Variants in PCSK2 observed in about 807,000 individuals in gnomAD.
PCSK2 encodes proprotein convertase subtilisin/kexin type 2.
PCSK2 carries 14 observed loss-of-function variants against 69.7 expected under a neutral mutation model. The observed-to-expected ratio is 0.20, with a 90% CI of 0.13 to 0.31. PCSK2 has a LOEUF of 0.31. Ranked by LOEUF, PCSK2 falls within the 10% of genes least tolerant of loss-of-function variation. The probability of loss-of-function intolerance (pLI) is 1.00; values close to 1 mark genes in which losing one functional copy is unlikely to be tolerated. For missense variants in PCSK2, 544 were observed against 842.5 expected (o/e 0.65, Z 4.39); for synonymous variants, 307 against 320.7 (o/e 0.96, Z 0.46).
At chr20:17,413,833 T>C (rs1396888225) in intron 6 of PCSK2, among the ~76,000 whole-genome samples, 2 of 152,140 alleles carry the variant, frequency 1.3e-5, no homozygotes, top group East Asian at 3.8e-4. Context: ...ACAAACTGTC[T>C]CTCAGACCAC....
chr20:17,481,198 T>C (rs1255738634), intron 11 of PCSK2, among the ~76,000 whole-genome samples: 2 of 151,756 alleles, frequency 1.3e-5, no homozygotes, highest in African/African-American at 4.8e-5. Flanking sequence ...CTGGCCAACA[T>C]GGTGAAACTC....
intron 6 of PCSK2, among the ~76,000 whole-genome samples, chr20:17,423,923 T>A (rs939629953): frequency 6.6e-6 from 1 of 152,194 alleles, no homozygotes; most frequent in Non-Finnish European, 1.5e-5. Context: ...TCACACCAAC[T>A]GGACTAGCAA....
chr20:17,356,766 G>A (rs1365524840), intron 2 of PCSK2, among the ~76,000 whole-genome samples: 1 of 152,152 alleles, frequency 6.6e-6, no homozygotes, highest in Non-Finnish European at 1.5e-5. Flanking sequence ...AACATAGTGA[G>A]GATCTTTTAC....
At chr20:17,293,352 C>A (rs902460564) in intron 2 of PCSK2, among the ~76,000 whole-genome samples, 7 of 152,202 alleles carry the variant, frequency 4.6e-5, no homozygotes, top group African/African-American at 1.7e-4. Flanking sequence ...GTTTTGGCTA[C>A]AACCTCCAGA....
At chr20:17,460,515 A>G (rs1389418025) in intron 10 of PCSK2, among the ~76,000 whole-genome samples, 1 of 152,194 alleles carries the variant, frequency 6.6e-6, no homozygotes, top group Non-Finnish European at 1.5e-5. Context: ...GGGAAATACA[A>G]CTGCTAATGT....
chr20:17,482,449 T>C lies in PCSK2; in HGVS notation c.*379T>C, dbSNP rs1038877532. ...CCACATAGAGTGACTCCAAGAACAA[T>C]TGTCCATGGTCTCAAACAAGGGGCT... is the stretch of plus-strand genomic sequence containing the variant. On this transcript the variant is annotated 3_prime_UTR_variant, in exon 12 of 12. Coordinates refer to ENST00000262545, the MANE Select transcript of PCSK2 (RefSeq NM_002594.5). 10 of 153,896 alleles carry C rather than the reference T, an allele frequency of 6.5e-5. No homozygotes were observed. Among genetic ancestry groups the C allele is most frequent in the Non-Finnish European group, 2.8e-5 (2 of 70,434 alleles). 9.5% of individuals were successfully genotyped at this position (153,896 alleles called of 1,614,324 possible).
At chr20:17,294,652 T>G (rs1048135666) in intron 2 of PCSK2, among the ~76,000 whole-genome samples, 9 of 152,238 alleles carry the variant, frequency 5.9e-5, no homozygotes, top group African/African-American at 2.2e-4. Flanking sequence ...GAAGCTCCAT[T>G]TGATCCTCCT....
intron 1 of PCSK2, chr20:17,228,011 A>T (rs1480359076): frequency 6.6e-6 from 1 of 152,332 alleles, no homozygotes; most frequent in Non-Finnish European, 1.5e-5. Flanking sequence ...CTCCGGGAAC[A>T]ACGGCTTCCT....
chr20:17,393,272 T>C (rs566532393), intron 5 of PCSK2, among the ~76,000 whole-genome samples: 1 of 152,278 alleles, frequency 6.6e-6, no homozygotes, highest in African/African-American at 2.4e-5. Context: ...TCTTTTCCCA[T>C]CAAATTTTGT....
intron 6 of PCSK2, among the ~76,000 whole-genome samples, chr20:17,416,850 G>T (rs528203683): frequency 3.9e-4 from 60 of 152,246 alleles, no homozygotes; most frequent in African/African-American, 1.3e-3. Context: ...CCATAAAAAA[G>T]GATGAGTTCA....
chr20:17,268,031 G>T (rs371076392), intron 2 of PCSK2, among the ~76,000 whole-genome samples: 1 of 117,900 alleles, frequency 8.5e-6, no homozygotes, highest in Non-Finnish European at 1.9e-5. Context: ...TATATCCAAT[G>T]TGTATATATA....
chr20:17,440,448 C>A (rs1044701019), intron 8 of PCSK2, among the ~76,000 whole-genome samples: 2 of 152,188 alleles, frequency 1.3e-5, no homozygotes, highest in African/African-American at 4.8e-5. Flanking sequence ...CCCTGTATTT[C>A]CTCATCAGAC....
At chr20:17,249,461 C>T (rs542971017) in intron 1 of PCSK2, among the ~76,000 whole-genome samples, 211 of 145,730 alleles carry the variant, frequency 1.4e-3, no homozygotes, top group African/African-American at 5.1e-3. Context: ...GAGCCGAGAT[C>T]GCGCCACTGC....
Position 17,445,904 on chromosome 20 carries a change from G to A in PCSK2, c.886-7838G>A, listed in dbSNP as rs118024188. Among the ~76,000 whole-genome samples, 1,362 of 152,324 alleles carry A rather than the reference G, an allele frequency of 8.9e-3. 7 individuals are homozygous for A. Among genetic ancestry groups the A allele is most frequent in the South Asian group, 0.015 (74 of 4,826 alleles). ...ATAAAGAGAACTAAGAGAAAAGTCT[G>A]GTGGGTTTCGGGTGATCCTTGTGAC... is the stretch of plus-strand genomic sequence containing the variant. On this transcript the variant is annotated intron_variant, in intron 8 of 11. Transcript: ENST00000262545.
At chr20:17,335,815 T>C (rs1990333737) in intron 2 of PCSK2, among the ~76,000 whole-genome samples, 1 of 151,416 alleles carries the variant, frequency 6.6e-6, no homozygotes, top group Non-Finnish European at 1.5e-5. Flanking sequence ...TTGCTGCAAA[T>C]GCCATTATTT....
chr20:17,234,429 T>C (rs775480766), intron 1 of PCSK2, among the ~76,000 whole-genome samples: 5 of 152,180 alleles, frequency 3.3e-5, no homozygotes, highest in Non-Finnish European at 5.9e-5. Context: ...GGAAAAACTA[T>C]TTTTTAAGAA....
chr20:17,389,800 C>A (rs1188817264), intron 5 of PCSK2, among the ~76,000 whole-genome samples: 1 of 152,174 alleles, frequency 6.6e-6, no homozygotes, highest in Admixed American at 6.5e-5. Context: ...CTACCTACAA[C>A]CTCTTACACT....
chr20:17,318,211 A>G (rs531143441), intron 2 of PCSK2, among the ~76,000 whole-genome samples: 3 of 152,340 alleles, frequency 2.0e-5, no homozygotes, highest in South Asian at 2.1e-4. Context: ...TTCCAGCTCA[A>G]TTTCCATCTA....
intron 7 of PCSK2, 59 bp from the exon 8 acceptor site, chr20:17,436,649 C>G: frequency 1.3e-6 from 2 of 1,492,452 alleles, no homozygotes. Context: ...CCTCCACCTC[C>G]TTGTCTCCTG....
Sources: allele counts gnomAD v4.1 joint callset (sites outside exome capture counted in the v4.1 genomes callset), GRCh38; gene constraint gnomAD v4.1.1; transcripts MANE v1.5; gene names NCBI Gene and HGNC (gene_info 2026-07-23, HGNC 2026-07-21).